FBLN5: variants seen among roughly 807,000 people sequenced by gnomAD.
FBLN5 encodes the protein fibulin 5, also known as fibulin-5.
FBLN5 carries 24 observed loss-of-function variants against 61.6 expected under a neutral mutation model. That is an observed-to-expected ratio of 0.39 (90% confidence interval 0.28 to 0.55). The LOEUF (loss-of-function observed/expected upper bound fraction) is 0.55. Among genes scored for constraint, FBLN5 ranks in the 20% least tolerant of loss-of-function variants. FBLN5 has a pLI of 0.65. For missense variants in FBLN5, 470 were observed against 594.1 expected, an observed-to-expected ratio of 0.79 and a Z score of 2.17; for synonymous variants, 213 against 219.8, an observed-to-expected ratio of 0.97 and a Z score of 0.27.
chr14:91,942,155 C>A (rs1426220418), intron 2 of FBLN5: 3 of 455,950 alleles, frequency 6.6e-6, no homozygotes, highest in African/African-American at 6.0e-5. Flanking sequence ...TCAGGGCTGA[C>A]ACACAGGGGT....
In FBLN5 at chr14:91,870,075, A is replaced by T; in HGVS notation, c.*149T>A. ...TGACAGGTCTGCAATAGTACAGGTG[A>T]GAGTCAGGAAGTCGGGGCTGACTCT... On this transcript the variant is annotated 3_prime_UTR_variant, in exon 11 of 11. Coordinates refer to ENST00000342058, the MANE Select transcript of FBLN5 (RefSeq NM_006329.4). The T allele has an allele frequency of 1.3e-6, 1 of 782,272 alleles. No homozygotes were observed. The highest frequency in any genetic ancestry group is 1.7e-5 in the African/African-American group (1 of 58,890). The allele number at this position is 782,272 out of a possible 1,614,324, so 48.5% of individuals were successfully genotyped here.
intron 4 of FBLN5, among the ~76,000 whole-genome samples, chr14:91,899,101 C>G (rs1227324556): frequency 4.6e-5 from 7 of 151,946 alleles, no homozygotes; most frequent in African/African-American, 1.7e-4. Flanking sequence ...CGTGCCCGGC[C>G]CCCATTCATT....
chr14:91,886,596 A>G (rs1435122948), intron 7 of FBLN5, among the ~76,000 whole-genome samples: 2 of 152,246 alleles, frequency 1.3e-5, no homozygotes, highest in Non-Finnish European at 2.9e-5. Flanking sequence ...TGTTCTCACA[A>G]CAAATTATTA....
In FBLN5 at chr14:91,947,348, C is replaced by A; in HGVS notation, c.-119G>T. 2 of 1,171,122 alleles carry A rather than the reference C, an allele frequency of 1.7e-6. No homozygotes were observed. Among genetic ancestry groups the A allele is most frequent in the Non-Finnish European group, 2.5e-6 (2 of 790,240 alleles). 72.5% of individuals were successfully genotyped at this position (1,171,122 alleles called of 1,614,324 possible). A position where few individuals can be genotyped will look rare whatever the true frequency, so the allele number is the denominator to read the frequency against. On this transcript the variant is annotated 5_prime_UTR_variant, in exon 1 of 11. Coordinates refer to ENST00000342058, the MANE Select transcript of FBLN5 (RefSeq NM_006329.4). The surrounding 1 kb of genome is among the most constrained non-coding windows in gnomAD (Gnocchi z 4.3). ...CCTCGGGGCTCGCGGGTGTTTTATT[C>A]CAGAGGGGCCGAGCGAGTCGTGGAG... is the stretch of plus-strand genomic sequence containing the variant.
At chr14:91,931,042 A>G (rs1367781280) in intron 4 of FBLN5, among the ~76,000 whole-genome samples, 1 of 152,224 alleles carries the variant, frequency 6.6e-6, no homozygotes, top group East Asian at 1.9e-4. Flanking sequence ...CTGCGTAAAC[A>G]CTGGGCAAGG....
intron 4 of FBLN5, among the ~76,000 whole-genome samples, chr14:91,932,747 G>A (rs2055946488): frequency 6.6e-6 from 1 of 152,234 alleles, no homozygotes; most frequent in Non-Finnish European, 1.5e-5. Context: ...CCCGGCAAGA[G>A]TGCAATCAGC....
chr14:91,927,490 A>T (rs2055849136), intron 4 of FBLN5, among the ~76,000 whole-genome samples: 1 of 152,256 alleles, frequency 6.6e-6, no homozygotes, highest in Admixed American at 6.5e-5. Flanking sequence ...ACCCACTTAC[A>T]TCAGAAGGAT....
rs1230181282 is a variant in FBLN5, at chr14:91,874,252, G to A, written c.1185+3235C>T. 2.6e-5 allele frequency: 4 copies of A among 152,436 alleles called. No homozygotes were observed. The East Asian group carries it at 7.7e-4, about 29-fold the overall frequency. The allele number at this position is 152,436 out of a possible 1,614,324, so 9.4% of individuals were successfully genotyped here. A position where few individuals can be genotyped will look rare whatever the true frequency, so the allele number is the denominator to read the frequency against. ...CCCACACGATGCTCCAGTCCCCTGG[G>A]TAGCATTCCCAAGCTCTCCATGGCC... On this transcript the variant is annotated intron_variant, in intron 10 of 10. Transcript: ENST00000342058.
At chr14:91,928,238 A>G (rs1383630991) in intron 4 of FBLN5, among the ~76,000 whole-genome samples, 1 of 152,248 alleles carries the variant, frequency 6.6e-6, no homozygotes, top group African/African-American at 2.4e-5. Context: ...GCAAAAAATT[A>G]TGTTTCCTAA....
At chr14:91,897,000 A>ACAAATC (rs1485352413) in intron 4 of FBLN5, among the ~76,000 whole-genome samples, 1 of 152,156 alleles carries the variant, frequency 6.6e-6, no homozygotes, top group Non-Finnish European at 1.5e-5. Context: ...TGATATGGCT[A>ACAAATC]CAAATCCACC....
At chr14:91,927,360 T>G (rs4904826) in intron 4 of FBLN5, among the ~76,000 whole-genome samples, 45,856 of 152,086 alleles carry the variant, frequency 0.3, 7,511 homozygotes, top group Middle Eastern at 0.47. Flanking sequence ...GCAGATGCTA[T>G]GCAGACACCA....
intron 9 of FBLN5, among the ~76,000 whole-genome samples, chr14:91,880,130 C>G (rs956115885): frequency 4.6e-5 from 7 of 152,212 alleles, no homozygotes; most frequent in African/African-American, 1.7e-4. Flanking sequence ...ACGTCAGAAA[C>G]TTGATTAGCA....
At chr14:91,905,761 G>A (rs1890658701) in intron 4 of FBLN5, among the ~76,000 whole-genome samples, 1 of 151,878 alleles carries the variant, frequency 6.6e-6, no homozygotes. Flanking sequence ...TGTATTTTTA[G>A]TAGAGATGGG....
intron 4 of FBLN5, among the ~76,000 whole-genome samples, chr14:91,924,628 GC>G (rs1277953909): frequency 6.6e-6 from 1 of 151,832 alleles, no homozygotes; most frequent in Non-Finnish European, 1.5e-5. Context: ...GTTGCAGTGA[GC>G]CAAGATAGCA....
chr14:91,907,319 C>T (rs1398689618), intron 4 of FBLN5, among the ~76,000 whole-genome samples: 1 of 152,176 alleles, frequency 6.6e-6, no homozygotes, highest in African/African-American at 2.4e-5. Flanking sequence ...CTGAAAACTA[C>T]ACATTGAGCC....
intron 3 of FBLN5, among the ~76,000 whole-genome samples, chr14:91,938,101 T>C (rs1853663870): frequency 6.6e-6 from 1 of 152,224 alleles, no homozygotes; most frequent in African/African-American, 2.4e-5. Context: ...GCCTAACAAT[T>C]GTCTCCACTT....
At chr14:91,875,763 T>C (rs1035457878) in intron 10 of FBLN5, among the ~76,000 whole-genome samples, 3 of 152,170 alleles carry the variant, frequency 2.0e-5, no homozygotes, top group African/African-American at 7.2e-5. Flanking sequence ...CCACACCCCT[T>C]GCCTGCTCTG....
At chr14:91,896,509 T>C (rs1271260284) in intron 4 of FBLN5, among the ~76,000 whole-genome samples, 1 of 152,210 alleles carries the variant, frequency 6.6e-6, no homozygotes, top group Non-Finnish European at 1.5e-5. Context: ...CTGTGTTATG[T>C]GCCTGACACC....
chr14:91,878,856 C>A (rs970378511), intron 9 of FBLN5, among the ~76,000 whole-genome samples: 17 of 152,200 alleles, frequency 1.1e-4, no homozygotes, highest in African/African-American at 4.1e-4. Context: ...ATAATCCCAG[C>A]ACTTTGAAAG....
Sources: allele counts gnomAD v4.1 joint callset (sites outside exome capture counted in the v4.1 genomes callset), GRCh38; gene constraint gnomAD v4.1.1; non-coding constraint Gnocchi (gnomAD v3.1); transcripts MANE v1.5; gene names NCBI Gene and HGNC (gene_info 2026-07-23, HGNC 2026-07-21).